SLCO4C1: variants seen among roughly 807,000 people sequenced by gnomAD.
SLCO4C1 encodes the protein solute carrier organic anion transporter family member 4C1.
In SLCO4C1, 58 loss-of-function variants were observed where a neutral mutation model predicts 72.1. The observed-to-expected ratio is 0.80, with a 90% CI of 0.65 to 1.00. SLCO4C1 has a LOEUF of 1.00. Among genes scored for constraint, SLCO4C1 ranks in the 50% least tolerant of loss-of-function variants. The pLI, the probability that SLCO4C1 is intolerant of heterozygous loss-of-function variation, is 0.00. For synonymous variants in SLCO4C1, 297 were observed against 312.5 expected (o/e 0.95, Z 0.52); for missense variants, 898 against 857.9 (o/e 1.05, Z -0.58).
rs1748653460 is a variant in SLCO4C1 at position 102,247,316 on chromosome 5, T to C, written c.1747A>G (p.Ile583Val). The C allele has an allele frequency of 1.3e-6, 2 of 1,589,320 alleles. No individual in the cohort carries two copies. The highest frequency in any genetic ancestry group is 1.3e-5 in the African/African-American group (1 of 74,522). The change falls in exon 10 of 13, where the codon ATT (isoleucine) becomes GTT (valine). Residue 583 changes from isoleucine to valine, a missense_variant. Transcript: ENST00000310954. ...GTAAAAATAATTACAATAAAGAAAA[T>C]GCAAAGGAATATGGGCAGTTTCGCA... ...HCAKLPIFLC[I>V]FFIVIIFTFM...
At chr5:102,264,005 A>G (rs1748989202) in intron 3 of SLCO4C1, among the ~76,000 whole-genome samples, 1 of 152,126 alleles carries the variant, frequency 6.6e-6, no homozygotes, top group South Asian at 2.1e-4. Context: ...TTAGAACAAA[A>G]CCAAAAATTA....
intron 5 of SLCO4C1, 82 bp downstream of exon 5, chr5:102,261,830 T>C: frequency 1.5e-6 from 2 of 1,377,048 alleles, no homozygotes; most frequent in Non-Finnish European, 1.9e-6. Context: ...GGTGAATCTA[T>C]AGTTCTTATT....
chr5:102,278,224 C>G (rs148603456), intron 2 of SLCO4C1, among the ~76,000 whole-genome samples: 89 of 152,148 alleles, frequency 5.8e-4, no homozygotes, highest in Non-Finnish European at 1.3e-3. Context: ...TTAATATCAG[C>G]TGAAACTGAC....
chr5:102,251,465 A>C (rs769815210), intron 8 of SLCO4C1, among the ~76,000 whole-genome samples: 4 of 152,118 alleles, frequency 2.6e-5, no homozygotes, highest in African/African-American at 4.8e-5. Flanking sequence ...TTCCTGTTAA[A>C]AATGGAAGAG....
At chr5:102,249,430 G>A (rs1239758301) in intron 9 of SLCO4C1, among the ~76,000 whole-genome samples, 1 of 152,154 alleles carries the variant, frequency 6.6e-6, no homozygotes, top group South Asian at 2.1e-4. Flanking sequence ...TTACTAAAAT[G>A]TTTGTAACTT....
chr5:102,284,995 A>G (rs923469850), intron 2 of SLCO4C1, among the ~76,000 whole-genome samples: 2 of 152,186 alleles, frequency 1.3e-5, no homozygotes, highest in African/African-American at 4.8e-5. Flanking sequence ...ATAATCTGGA[A>G]AGGAAAAGAA....
chr5:102,283,680 C>G (rs959524384), intron 2 of SLCO4C1, among the ~76,000 whole-genome samples: 2 of 151,370 alleles, frequency 1.3e-5, no homozygotes, highest in African/African-American at 4.9e-5. Flanking sequence ...CTTGAATGCC[C>G]TATCAGAGCA....
chr5:102,279,731 G>C (rs1316232283), intron 2 of SLCO4C1, among the ~76,000 whole-genome samples: 1 of 151,950 alleles, frequency 6.6e-6, no homozygotes, highest in African/African-American at 2.4e-5. Context: ...CCATTGCCAG[G>C]TGAGGTTTAT....
Position 102,236,583 on chromosome 5 carries a change from T to C in SLCO4C1, c.*275A>G, listed in dbSNP as rs893734600. Reference sequence around the variant, plus strand: ...TAGGAAATAAGTGTGTATGTGTGCGTGTGTGTGTGTGTGTGTGTGTTCGTG... The same window carrying C: ...TAGGAAATAAGTGTGTATGTGTGCGCGTGTGTGTGTGTGTGTGTGTTCGTG... On this transcript the variant is annotated 3_prime_UTR_variant, in exon 13 of 13. Transcript: ENST00000310954. 4 of 84,140 alleles carry C rather than the reference T, an allele frequency of 4.8e-5. No individual in the cohort carries two copies. The Admixed American group carries it at 5.1e-4, about 11-fold the overall frequency. The allele number at this position is 84,140 out of a possible 1,614,324, so 5.2% of individuals were successfully genotyped here.
chr5:102,290,227 T>C (rs1259413809), intron 2 of SLCO4C1, among the ~76,000 whole-genome samples: 4 of 152,140 alleles, frequency 2.6e-5, no homozygotes, highest in African/African-American at 9.7e-5. Flanking sequence ...GGCCAGAATC[T>C]TTTTTTGTTT....
intron 9 of SLCO4C1, among the ~76,000 whole-genome samples, chr5:102,248,476 G>A (rs887668729): frequency 2.0e-5 from 3 of 151,880 alleles, no homozygotes; most frequent in Non-Finnish European, 4.4e-5. Flanking sequence ...TAACCATATC[G>A]AAATAACAAA....
chr5:102,285,951 C>T (rs1749444609), intron 2 of SLCO4C1, among the ~76,000 whole-genome samples: 1 of 151,974 alleles, frequency 6.6e-6, no homozygotes, highest in Admixed American at 6.6e-5. Flanking sequence ...ATTCTTTGCC[C>T]TAGGTCTTCT....
rs1749050455 is a variant in SLCO4C1 at position 102,266,828 on chromosome 5, T to G, written c.803-3048A>C. Among the ~76,000 whole-genome samples the G allele has an allele frequency of 3.9e-5, 6 of 152,188 alleles. No homozygotes were observed. In the South Asian group the frequency reaches 1.2e-3, roughly 32 times the overall value. The stretch of plus-strand genomic sequence containing the variant: ...TTTATACCTAATTTCTTAAAAGTTT[T>G]TATCATGAAGGGATATTGAGTTTCA... On this transcript the variant is annotated intron_variant, in intron 3 of 12. Transcript: ENST00000310954.
chr5:102,255,969 G>A (rs1179512754), intron 8 of SLCO4C1, among the ~76,000 whole-genome samples: 1 of 131,438 alleles, frequency 7.6e-6, no homozygotes, highest in Non-Finnish European at 1.7e-5. Flanking sequence ...ACTTTGGGTG[G>A]CCGAGCCAGG....
At chr5:102,253,984 T>A (rs529551936) in intron 8 of SLCO4C1, among the ~76,000 whole-genome samples, 3 of 152,108 alleles carry the variant, frequency 2.0e-5, no homozygotes, top group African/African-American at 7.2e-5. Flanking sequence ...GATCTTACAT[T>A]TTTTGGAAAT....
chr5:102,282,560 A>G (rs1204559159), intron 2 of SLCO4C1, among the ~76,000 whole-genome samples: 2 of 151,994 alleles, frequency 1.3e-5, no homozygotes, highest in African/African-American at 4.8e-5. Context: ...ATGAAATAAT[A>G]GAAAAGCAAA....
chr5:102,264,364 ATT>A (rs1748996629), intron 3 of SLCO4C1, among the ~76,000 whole-genome samples: 1 of 151,970 alleles, frequency 6.6e-6, no homozygotes, highest in Admixed American at 6.6e-5. Flanking sequence ...ATAACTCTGA[ATT>A]TTCATAAAAC....
At chr5:102,295,592 T>C (rs1365522278) in intron 1 of SLCO4C1, among the ~76,000 whole-genome samples, 1 of 152,246 alleles carries the variant, frequency 6.6e-6, no homozygotes, top group Non-Finnish European at 1.5e-5. Flanking sequence ...AGGGTATACC[T>C]TTCCCAAAGG....
intron 2 of SLCO4C1, among the ~76,000 whole-genome samples, chr5:102,277,626 G>A (rs1310744170): frequency 6.6e-6 from 1 of 152,028 alleles, no homozygotes; most frequent in Non-Finnish European, 1.5e-5. Context: ...CAGTAACAAG[G>A]AGCCTGTCTT....
Sources: gnomAD v4.1 joint callset for allele counts (sites outside exome capture counted in the v4.1 genomes callset) on GRCh38, gnomAD v4.1.1 for gene constraint, MANE v1.5 for transcripts, NCBI Gene and HGNC (gene_info 2026-07-23, HGNC 2026-07-21) for gene names.